The following PIP4K2A variants were observed in gnomAD, a reference collection of about 807,000 sequenced individuals.
PIP4K2A encodes the protein phosphatidylinositol-5-phosphate 4-kinase type 2 alpha.
Under a neutral mutation model 42.9 loss-of-function variants are expected in PIP4K2A, and 14 were observed. The ratio of observed to expected loss-of-function variants is 0.33; its 90% CI spans 0.22 to 0.51. PIP4K2A has a LOEUF of 0.51. PIP4K2A is among the 20% of genes least tolerant of loss of function. The probability of loss-of-function intolerance (pLI) is 0.97; values close to 1 mark genes in which losing one functional copy is unlikely to be tolerated. For synonymous variants in PIP4K2A, 192 were observed against 192.2 expected (o/e 1.00, Z 0.01); for missense variants, 434 against 519.8 (o/e 0.83, Z 1.61).
chr10:22,652,817 A>G (rs556619278), intron 1 of PIP4K2A, among the ~76,000 whole-genome samples: 1 of 152,314 alleles, frequency 6.6e-6, no homozygotes, highest in African/African-American at 2.4e-5. Flanking sequence ...TGAAGGGTCC[A>G]TCGCAGTGGC....
chr10:22,538,287 G>T (rs367990283), intron 9 of PIP4K2A, among the ~76,000 whole-genome samples: 1 of 152,190 alleles, frequency 6.6e-6, no homozygotes, highest in South Asian at 2.1e-4. Flanking sequence ...ATTTTATGCC[G>T]TGTGGCACAC....
At position 22,714,221 on chromosome 10, in the gene PIP4K2A, G is replaced by A. The variant is rs754166908; in HGVS notation, c.106C>T (p.Pro36Ser). 1.2e-6 allele frequency: 2 copies of A among 1,611,702 alleles called. No individual in the cohort carries two copies. Among genetic ancestry groups the A allele is most frequent in the Admixed American group, 1.7e-5 (1 of 59,858 alleles). Residue 36 changes from proline to serine, a missense_variant, in exon 1 of 10, where the codon CCG (proline) becomes TCG (serine). This residue lies in a region of PIP4K2A where 395 missense variants were observed against 444.5 expected (regional missense o/e 0.89). Coordinates refer to ENST00000376573, the MANE Select transcript of PIP4K2A (RefSeq NM_005028.5). The part of the protein sequence containing the change: ...QKVKLFRASD[P>S]LLSVLMWGVN... ...CCCCACATGAGGACGCTGAGCAGCG[G>A]GTCGCTGGCCCGAAACAGCTTCACT...
chr10:22,609,340 A>C (rs1244155942), intron 2 of PIP4K2A, among the ~76,000 whole-genome samples: 1 of 152,250 alleles, frequency 6.6e-6, no homozygotes, highest in African/African-American at 2.4e-5. Flanking sequence ...TCAAAAATCC[A>C]AGCAATTTAC....
intron 3 of PIP4K2A, among the ~76,000 whole-genome samples, chr10:22,599,766 T>C (rs1837712954): frequency 6.6e-6 from 1 of 152,184 alleles, no homozygotes; most frequent in South Asian, 2.1e-4. Context: ...TTTCCTACCT[T>C]ACACTATCCT....
intron 1 of PIP4K2A, among the ~76,000 whole-genome samples, chr10:22,641,170 T>C (rs1838776442): frequency 1.3e-5 from 2 of 152,172 alleles, no homozygotes; most frequent in South Asian, 4.1e-4. Flanking sequence ...GAGGGTACTC[T>C]GGAGACCACC....
chr10:22,627,597 A>T (rs1838471522), intron 1 of PIP4K2A, among the ~76,000 whole-genome samples: 1 of 36,328 alleles, frequency 2.8e-5, no homozygotes, highest in African/African-American at 1.8e-4. Context: ...GTAATAAAAA[A>T]AAAAAAAAAA....
chr10:22,617,689 C>T (rs1360175875), intron 1 of PIP4K2A, among the ~76,000 whole-genome samples: 3 of 152,076 alleles, frequency 2.0e-5, no homozygotes, highest in Admixed American at 2.0e-4. Flanking sequence ...TGTGGAGCCC[C>T]TGTTGGGTAT....
At chr10:22,633,516 A>C (rs1750767) in intron 1 of PIP4K2A, among the ~76,000 whole-genome samples, 13,289 of 152,050 alleles carry the variant, frequency 0.087, 1,044 homozygotes, top group African/African-American at 0.21. Flanking sequence ...AAAAAATATA[A>C]TTATCTTCAT....
At chr10:22,664,869 T>TA (rs1337742613) in intron 1 of PIP4K2A, among the ~76,000 whole-genome samples, 1 of 152,054 alleles carries the variant, frequency 6.6e-6, no homozygotes, top group Non-Finnish European at 1.5e-5. Context: ...AGAATACTAA[T>TA]AACACAAAAT....
intron 4 of PIP4K2A, 85 bp downstream of exon 4, chr10:22,591,544 A>G (rs1588648006): frequency 2.9e-6 from 3 of 1,021,584 alleles, no homozygotes; most frequent in East Asian, 2.4e-5. Flanking sequence ...TTCTCTAACT[A>G]TATATTTAAA....
intron 3 of PIP4K2A, among the ~76,000 whole-genome samples, chr10:22,606,310 CAAG>C (rs1048889805): frequency 6.6e-6 from 1 of 151,846 alleles, no homozygotes; most frequent in Non-Finnish European, 1.5e-5. Flanking sequence ...GACCTTGTAT[CAAG>C]AAAAAAAAAG....
intron 4 of PIP4K2A, among the ~76,000 whole-genome samples, chr10:22,584,234 T>C (rs1041078663): frequency 2.0e-5 from 3 of 151,738 alleles, no homozygotes; most frequent in Admixed American, 6.6e-5. Context: ...GAGATGAGCA[T>C]AAATCAAGAA....
chr10:22,665,605 CTTTTT>C (rs34262297), intron 1 of PIP4K2A, among the ~76,000 whole-genome samples: 3 of 115,004 alleles, frequency 2.6e-5, no homozygotes, highest in South Asian at 3.0e-4. Context: ...CCACACCTGG[CTTTTT>C]TTTTTTTTTT....
intron 1 of PIP4K2A, among the ~76,000 whole-genome samples, chr10:22,707,542 GCTAATACT>G (rs1454186087): frequency 6.6e-6 from 1 of 152,172 alleles, no homozygotes; most frequent in Non-Finnish European, 1.5e-5. Flanking sequence ...CATGTTAACA[GCTAATACT>G]CTGTCCATCC....
At chr10:22,635,149 T>C (rs1295325025) in intron 1 of PIP4K2A, among the ~76,000 whole-genome samples, 1 of 152,122 alleles carries the variant, frequency 6.6e-6, no homozygotes. Flanking sequence ...TTCTGTATCA[T>C]ACTATTAATA....
intron 1 of PIP4K2A, among the ~76,000 whole-genome samples, chr10:22,712,136 G>C (rs1323947260): frequency 6.6e-6 from 1 of 152,152 alleles, no homozygotes; most frequent in African/African-American, 2.4e-5. Flanking sequence ...AACTTCTCTT[G>C]AGAGCAAAAG....
chr10:22,661,309 G>C (rs1347948285), intron 1 of PIP4K2A, among the ~76,000 whole-genome samples: 1 of 138,478 alleles, frequency 7.2e-6, no homozygotes, highest in Non-Finnish European at 1.6e-5. Flanking sequence ...ATTCAGACTT[G>C]TATATACTAG....
At chr10:22,662,883 G>A (rs145604930) in intron 1 of PIP4K2A, among the ~76,000 whole-genome samples, 1,808 of 152,336 alleles carry the variant, frequency 0.012, 39 homozygotes, top group African/African-American at 0.04. Flanking sequence ...CCAAGCCTGG[G>A]CTTACAGAGA....
At chr10:22,652,633 G>A (rs2130814927) in intron 1 of PIP4K2A, among the ~76,000 whole-genome samples, 1 of 152,304 alleles carries the variant, frequency 6.6e-6, no homozygotes. Context: ...ATACGCAAAT[G>A]TGTATTAAAA....
Sources: gnomAD v4.1 joint callset for allele counts (sites outside exome capture counted in the v4.1 genomes callset) on GRCh38, gnomAD v4.1.1 for gene constraint, gnomAD v4.1.1 regional missense constraint, MANE v1.5 for transcripts, NCBI Gene and HGNC (gene_info 2026-07-23, HGNC 2026-07-21) for gene names.